IBSP: variants seen among roughly 807,000 people sequenced by gnomAD.
IBSP encodes the protein integrin binding sialoprotein.
A neutral mutation model predicts 25.5 loss-of-function variants in IBSP; 19 were observed. That is an observed-to-expected ratio of 0.74 (90% CI 0.52 to 1.09). IBSP has a LOEUF of 1.09. IBSP is among the 50% of genes least tolerant of loss of function. IBSP has a pLI of 0.00. For missense variants in IBSP, 360 were observed against 382.3 expected (o/e 0.94, Z 0.49); for synonymous variants, 144 against 137.6 (o/e 1.05, Z -0.33).
At position 87,812,404 on chromosome 4, in the gene IBSP, T is replaced by C. The variant is rs1454322524; in HGVS notation, c.*494T>C. 6.6e-6 allele frequency: 1 copy of C among 152,558 alleles called. No individual in the cohort carries two copies. Among genetic ancestry groups the C allele is most frequent in the Admixed American group, 6.5e-5 (1 of 15,282 alleles). 9.5% of individuals were successfully genotyped at this position (152,558 alleles called of 1,614,324 possible). On this transcript the variant is annotated 3_prime_UTR_variant, in exon 7 of 7. Transcript: ENST00000226284. ...CTGTATGTATATTCTAATCTACGAGTTTTATCACAAATAAAAATGCAATCC... is the reference window on the plus strand; with the variant it reads ...CTGTATGTATATTCTAATCTACGAGCTTTATCACAAATAAAAATGCAATCC...
In IBSP at chr4:87,812,108, T is replaced by C; in HGVS notation, c.*198T>C. On this transcript the variant is annotated 3_prime_UTR_variant, in exon 7 of 7. Transcript: ENST00000226284. Reference sequence around the variant, plus strand: ...TTTTTTCTGGCATGTTATGGAATGATCATTGTAAATCAGGACCATTTATCA... The same window carrying C: ...TTTTTTCTGGCATGTTATGGAATGACCATTGTAAATCAGGACCATTTATCA... 1 of 465,310 alleles carries C rather than the reference T, an allele frequency of 2.1e-6. No homozygotes were observed. The highest frequency in any genetic ancestry group is 3.9e-5 in the Admixed American group (1 of 25,494). 28.8% of individuals were successfully genotyped at this position (465,310 alleles called of 1,614,324 possible). A position where few individuals can be genotyped will look rare whatever the true frequency, so the allele number is the denominator to read the frequency against.
In IBSP at chr4:87,811,908, T is replaced by G; in HGVS notation, c.952T>G (p.Ter318GlyextTer6). 2 of 1,516,212 alleles carry G rather than the reference T, an allele frequency of 1.3e-6. No individual in the cohort carries two copies. The highest frequency in any genetic ancestry group is 1.8e-6 in the Non-Finnish European group (2 of 1,133,228). 93.9% of individuals were successfully genotyped at this position (1,516,212 alleles called of 1,614,324 possible). A position where few individuals can be genotyped will look rare whatever the true frequency, so the allele number is the denominator to read the frequency against. ...TGGTCAGAATTACTACCACCACCAGTGAAGCTCCAGCCTGGGATGAATTCA... is the reference window on the plus strand; with the variant it reads ...TGGTCAGAATTACTACCACCACCAGGGAAGCTCCAGCCTGGGATGAATTCA... ...YDGQNYYHHQ[*>G] The change falls in exon 7 of 7, where the codon TGA becomes GGA. Residue 318 changes from the stop codon to glycine, a stop_lost. Transcript: ENST00000226284.
rs753158211 is a variant in IBSP, at chr4:87,806,122, G to C, written c.184G>C (p.Gly62Arg). ...YPHLKRFPVQ[G>R]SSDSSEENGD... is the part of the protein sequence containing the mutation. ...TACATACATGTGTATATATTTTTAGGGCAGTAGTGACTCATCCGAAGAAAA... is the reference window on the plus strand; with the variant it reads ...TACATACATGTGTATATATTTTTAGCGCAGTAGTGACTCATCCGAAGAAAA... The change falls in exon 5 of 7, where the codon GGC (glycine) becomes CGC (arginine). Residue 62 changes from glycine (G) to arginine (R), a missense_variant and splice_region_variant. Physicochemically the swap from Gly to Arg is moderately radical, Grantham distance 125. Coordinates refer to ENST00000226284, the MANE Select transcript of IBSP (RefSeq NM_004967.4). 6.2e-6 allele frequency: 10 copies of C among 1,608,684 alleles called. No homozygotes were observed. In the South Asian group the frequency reaches 9.9e-5, roughly 16 times the overall value.
At chr4:87,810,521 C>A in intron 5 of IBSP, 85 bp from the exon 6 acceptor site, 1 of 1,104,610 alleles carries the variant, frequency 9.1e-7, no homozygotes, top group South Asian at 1.4e-5. Context: ...AATAATAAAC[C>A]TTCAATAAAT....
intron 5 of IBSP, among the ~76,000 whole-genome samples, chr4:87,809,530 G>C (rs1406712524): frequency 6.6e-6 from 1 of 152,166 alleles, no homozygotes; most frequent in Non-Finnish European, 1.5e-5. Context: ...CAAACACATG[G>C]TGTTTTGGGG....
Position 87,807,851 on chromosome 4 carries a change from T to C in IBSP, c.246+1667T>C, listed in dbSNP as rs115693398. The stretch of plus-strand genomic sequence containing the variant: ...GCCATGCTACTCAGTTTTATATCTC[T>C]TCATGCTGCCTAGCATAATTTCTTA... On this transcript the variant is annotated intron_variant, in intron 5 of 6. Transcript: ENST00000226284. Among the ~76,000 whole-genome samples, 467 of 152,348 alleles carry C rather than the reference T, an allele frequency of 3.1e-3. 3 individuals are homozygous for C. The highest frequency in any genetic ancestry group is 0.011 in the African/African-American group (447 of 41,584).
chr4:87,802,773 A>G, intron 4 of IBSP, 42 bp downstream of exon 4: 3 of 1,330,822 alleles, frequency 2.3e-6, no homozygotes, highest in Non-Finnish European at 3.0e-6. Context: ...AATTTCTATT[A>G]TAATTTAAAG....
At chr4:87,811,056 G>A (rs960261130) in intron 6 of IBSP, among the ~76,000 whole-genome samples, 2 of 152,120 alleles carry the variant, frequency 1.3e-5, no homozygotes, top group Non-Finnish European at 2.9e-5. Context: ...AAGGTCCTGA[G>A]AGATACCATG....
chr4:87,812,077 T>A lies in IBSP; in HGVS notation c.*167T>A. ...CTTCTGCAAAGTAATAGGCTTCTTGTCCCTTTTTTTTCTGGCATGTTATGG... is the reference window on the plus strand; with the variant it reads ...CTTCTGCAAAGTAATAGGCTTCTTGACCCTTTTTTTTCTGGCATGTTATGG... On this transcript the variant is annotated 3_prime_UTR_variant, in exon 7 of 7. Coordinates refer to ENST00000226284, the MANE Select transcript of IBSP (RefSeq NM_004967.4). 1 of 520,488 alleles carries A rather than the reference T, an allele frequency of 1.9e-6. No individual in the cohort carries two copies. Among genetic ancestry groups the A allele is most frequent in the Non-Finnish European group, 3.3e-6 (1 of 304,748 alleles). 32.2% of individuals were successfully genotyped at this position (520,488 alleles called of 1,614,324 possible).
At chr4:87,808,745 T>A (rs1483735122) in intron 5 of IBSP, among the ~76,000 whole-genome samples, 2 of 152,206 alleles carry the variant, frequency 1.3e-5, no homozygotes, top group Non-Finnish European at 2.9e-5. Context: ...TTCTTCACTC[T>A]CAAATTTAGA....
At chr4:87,800,648 C>T (rs1217805414) in intron 1 of IBSP, among the ~76,000 whole-genome samples, 1 of 152,124 alleles carries the variant, frequency 6.6e-6, no homozygotes, top group Non-Finnish European at 1.5e-5. Context: ...TAAGATAGGA[C>T]TGTGAGAAAC....
rs1264714558 is a variant in IBSP at position 87,808,410 on chromosome 4, T to C, written c.247-2196T>C. ...GTTAGCCAGGATGGTCTTGATCTCC[T>C]GACCTCGTGATCCGCCCGCCTCGGC... On this transcript the variant is annotated intron_variant, in intron 5 of 6. Coordinates refer to ENST00000226284, the MANE Select transcript of IBSP (RefSeq NM_004967.4). Among the ~76,000 whole-genome samples the C allele has an allele frequency of 2.0e-5, 3 of 152,270 alleles. No homozygotes were observed. In the East Asian group the frequency reaches 5.8e-4, roughly 29 times the overall value.
At chr4:87,806,081 T>C (rs149676440) in intron 4 of IBSP, 41 bp from the exon 5 acceptor site, 23 of 1,430,928 alleles carry the variant, frequency 1.6e-5, no homozygotes, top group East Asian at 2.3e-5. Context: ...AATATATTTG[T>C]ACACAGATAA....
At chr4:87,810,811 A>T in intron 6 of IBSP, 47 bp downstream of exon 6, 29 of 1,499,178 alleles carry the variant, frequency 1.9e-5, no homozygotes, top group Non-Finnish European at 2.6e-5. Context: ...ACCATTAATA[A>T]TAATGGTAAT....
chr4:87,802,326 C>T (rs778574366), intron 1 of IBSP, 22 bp from the exon 2 acceptor site: 2 of 1,495,218 alleles, frequency 1.3e-6, no homozygotes, highest in Non-Finnish European at 1.8e-6. Context: ...TTTTATTAAC[C>T]TTACCACTTC....
At chr4:87,810,263 A>G (rs547316353) in intron 5 of IBSP, among the ~76,000 whole-genome samples, 1 of 152,322 alleles carries the variant, frequency 6.6e-6, no homozygotes, top group South Asian at 2.1e-4. Context: ...ATGCAATAAT[A>G]TATCACTAAG....
chr4:87,811,965 T>C lies in IBSP; in HGVS notation c.*55T>C. ...CTGGCTTTGCATCCGGCTACCATTT[T>C]CGAAGTTCAACTCAGGAAGGTGCAA... On this transcript the variant is annotated 3_prime_UTR_variant, in exon 7 of 7. Transcript: ENST00000226284. 1 of 1,410,078 alleles carries C rather than the reference T, an allele frequency of 7.1e-7. No individual in the cohort carries two copies. Among genetic ancestry groups the C allele is most frequent in the Non-Finnish European group, 9.6e-7 (1 of 1,042,478 alleles). The allele number at this position is 1,410,078 out of a possible 1,614,324, so 87.3% of individuals were successfully genotyped here. A position where few individuals can be genotyped will look rare whatever the true frequency, so the allele number is the denominator to read the frequency against.
At chr4:87,810,852 G>A (rs537224213) in intron 6 of IBSP, 88 bp downstream of exon 6, 2 of 1,158,606 alleles carry the variant, frequency 1.7e-6, no homozygotes, top group South Asian at 1.5e-5. Context: ...TTTAACTGGA[G>A]TCTAAGGGTA....
At chr4:87,800,127 C>G (rs7677103) in intron 1 of IBSP, among the ~76,000 whole-genome samples, 37,247 of 151,992 alleles carry the variant, frequency 0.25, 5,800 homozygotes, top group South Asian at 0.34. Context: ...AATAAATACT[C>G]TTGGTAGTTT....
Sources: allele counts gnomAD v4.1 joint callset (sites outside exome capture counted in the v4.1 genomes callset), GRCh38; gene constraint gnomAD v4.1.1; transcripts MANE v1.5; gene names NCBI Gene and HGNC (gene_info 2026-07-23, HGNC 2026-07-21).